BBS1: variants seen among roughly 807,000 people sequenced by gnomAD.
BBS1 encodes Bardet-Biedl syndrome 1.
In BBS1, 60 loss-of-function variants were observed where a neutral mutation model predicts 73.9. The ratio of observed to expected loss-of-function variants is 0.81; its 90% CI spans 0.66 to 1.01. The LOEUF is 1.01. Among genes scored for constraint, BBS1 ranks in the 50% least tolerant of loss-of-function variants. The probability of loss-of-function intolerance (pLI) is 0.00; values close to 1 mark genes in which losing one functional copy is unlikely to be tolerated. For synonymous variants in BBS1, 283 were observed against 317.4 expected (o/e 0.89, Z 1.15); for missense variants, 718 against 770.3 (o/e 0.93, Z 0.80).
chr11:66,524,331 G>A, intron 11 of BBS1: 1 of 283,464 alleles, frequency 3.5e-6, no homozygotes, highest in South Asian at 3.4e-5. Context: ...CACCATATTG[G>A]TAGGGGTGGG....
intron 13 of BBS1, chr11:66,529,137 G>C: frequency 2.0e-6 from 2 of 981,226 alleles, no homozygotes; most frequent in Non-Finnish European, 2.4e-6. Context: ...ACGGAAGAGC[G>C]AAGCCAGCCT....
rs1856840915 is a variant in BBS1 at position 66,532,870 on chromosome 11, G to A, written c.*833G>A. 1 of 152,478 alleles carries A rather than the reference G, an allele frequency of 6.6e-6. No homozygotes were observed. The highest frequency in any genetic ancestry group is 1.5e-5 in the Non-Finnish European group (1 of 68,214). 9.4% of individuals were successfully genotyped at this position (152,478 alleles called of 1,614,324 possible). ...GCGCACCAGGAGAGGCGTTTCTGGGGCTCCAGAGAAGTGCCACGGGAGGCA... is the reference window on the plus strand; with the variant it reads ...GCGCACCAGGAGAGGCGTTTCTGGGACTCCAGAGAAGTGCCACGGGAGGCA... On this transcript the variant is annotated 3_prime_UTR_variant, in exon 17 of 17. Transcript: ENST00000318312.
intron 3 of BBS1, among the ~76,000 whole-genome samples, chr11:66,514,063 C>T (rs1390656901): frequency 6.6e-6 from 1 of 152,220 alleles, no homozygotes; most frequent in Non-Finnish European, 1.5e-5. Context: ...ACCACTGTCC[C>T]AGTATCTCTC....
chr11:66,526,588 A>G (rs1441624253), intron 12 of BBS1, 61 bp from the exon 13 acceptor site: 14 of 1,608,738 alleles, frequency 8.7e-6, no homozygotes, highest in African/African-American at 1.3e-5. Flanking sequence ...TGGGGAAGAA[A>G]GAATGGGAAT....
At chr11:66,531,073 G>C (rs1454458483) in intron 15 of BBS1, 45 bp downstream of exon 15, 1 of 1,611,874 alleles carries the variant, frequency 6.2e-7, no homozygotes, top group African/African-American at 1.3e-5. Flanking sequence ...AAAGGCCAGG[G>C]CAGGGGCCTG....
At chr11:66,523,695 C>T (rs778802597) in intron 10 of BBS1, 29 bp from the exon 11 acceptor site, 5 of 1,610,184 alleles carry the variant, frequency 3.1e-6, no homozygotes, top group South Asian at 2.2e-5. Flanking sequence ...GCCCTGAGCC[C>T]TCCACAGACG....
rs1856802140 is a variant in BBS1 at position 66,531,951 on chromosome 11, G to A, written c.1696G>A (p.Val566Met). ...TGCTGCCATGGCCACTCCTCCATAG[G>A]TGCTGGTGCTTCGAGAAGGCCAAAG... ...SNKGISDIIK[V>M]LVLREGQSAP... The change falls in exon 17 of 17, where the codon GTG becomes ATG. Residue 566 changes from valine to methionine, a missense_variant and splice_region_variant. By Grantham distance (21) the Val-to-Met change is conservative (BLOSUM62 1). Coordinates refer to ENST00000318312, the MANE Select transcript of BBS1 (RefSeq NM_024649.5). The A allele has an allele frequency of 6.3e-7, 1 of 1,589,164 alleles. No homozygotes were observed. The highest frequency in any genetic ancestry group is 8.6e-7 in the Non-Finnish European group (1 of 1,168,370).
At position 66,515,862 on chromosome 11, in the gene BBS1, T is replaced by A; in HGVS notation, c.520T>A (p.Phe174Ile). ...GATGCCAGTTCTCTGTGTGTCTAGG[T>A]TTCTGCAGCTGGAGCTAAGTGAAAT... is the stretch of plus-strand genomic sequence containing the variant. ...EEPLSIQSLR[F>I]LQLELSEMEA... Residue 174 changes from phenylalanine to isoleucine, a missense_variant and splice_region_variant, in exon 7 of 17, where the codon TTT becomes ATT. Physicochemically the swap from Phe to Ile is conservative, Grantham distance 21 (BLOSUM62 0). Transcript: ENST00000318312. The A allele has an allele frequency of 6.2e-7, 1 of 1,614,116 alleles. No homozygotes were observed. Among genetic ancestry groups the A allele is most frequent in the Non-Finnish European group, 8.5e-7 (1 of 1,180,012 alleles).
intron 13 of BBS1, chr11:66,529,559 C>T (rs921118124): frequency 1.1e-4 from 76 of 698,950 alleles, no homozygotes; most frequent in Non-Finnish European, 1.6e-4. Flanking sequence ...CCTCTAGGGC[C>T]GGACAGAGAA....
In BBS1 at chr11:66,511,042, C is replaced by T. The variant is rs866558676; in HGVS notation, c.77C>T (p.Ala26Val). Residue 26 changes from alanine (A) to valine (V), a missense_variant, in exon 2 of 17, where the codon GCG (alanine) becomes GTG (valine). Transcript: ENST00000318312. ...GAGGCCAATTCGAAGTGGTTGGATGCGCACTACGACCCAATGGCCAATATC... is the reference window on the plus strand; with the variant it reads ...GAGGCCAATTCGAAGTGGTTGGATGTGCACTACGACCCAATGGCCAATATC... ...SNEANSKWLDAHYDPMANIHT... is the reference protein window; with the variant it reads ...SNEANSKWLDVHYDPMANIHT... The T allele has an allele frequency of 6.2e-7, 1 of 1,614,150 alleles. No individual in the cohort carries two copies.
chr11:66,531,100 G>T, intron 15 of BBS1, 72 bp downstream of exon 15: 3 of 1,589,374 alleles, frequency 1.9e-6, no homozygotes, highest in East Asian at 2.3e-5. Context: ...TGCCCACAGA[G>T]CCCCGCCAGG....
chr11:66,520,859 A>T, intron 8 of BBS1: 1 of 312,594 alleles, frequency 3.2e-6, no homozygotes, highest in Non-Finnish European at 6.2e-6. Flanking sequence ...TCATCTTCTC[A>T]TCTGTGGGAC....
chr11:66,530,276 G>A (rs533052625), intron 14 of BBS1, among the ~76,000 whole-genome samples: 2 of 152,282 alleles, frequency 1.3e-5, no homozygotes, highest in South Asian at 2.1e-4. Context: ...TATGGTACAA[G>A]GAAGAAGGCT....
intron 6 of BBS1, 54 bp downstream of exon 6, chr11:66,515,785 CCGCCAGAATG>C: frequency 6.2e-7 from 1 of 1,613,886 alleles, no homozygotes. Flanking sequence ...GAGGAAGCAG[CCGCCAGAATG>C]TGCCAGAATG....
At chr11:66,528,238 A>T (rs1400370035) in intron 13 of BBS1, among the ~76,000 whole-genome samples, 1 of 152,192 alleles carries the variant, frequency 6.6e-6, no homozygotes, top group Non-Finnish European at 1.5e-5. Context: ...AAATGTACAA[A>T]GTCTAATAAA....
At chr11:66,512,025 T>A (rs1855961934) in intron 3 of BBS1, among the ~76,000 whole-genome samples, 1 of 145,494 alleles carries the variant, frequency 6.9e-6, no homozygotes, top group African/African-American at 2.5e-5. Flanking sequence ...TATATGTGTA[T>A]ATATATGTAT....
At chr11:66,526,972 T>C (rs1470176562) in intron 13 of BBS1, 165 bp downstream of exon 13, 1 of 1,549,714 alleles carries the variant, frequency 6.5e-7, no homozygotes, top group East Asian at 2.4e-5. Flanking sequence ...AGGTACACGT[T>C]GCCTGCAAAT....
Position 66,515,941 on chromosome 11 carries a change from C to T in BBS1, c.591+8C>T, listed in dbSNP as rs1043360776. On this transcript the variant is annotated splice_region_variant and intron_variant, in intron 7 of 16. Transcript: ENST00000318312. The stretch of plus-strand genomic sequence containing the variant: ...AACTCCATCAAGCGGCAGGTAATAC[C>T]CCCTTCTCTTTTTATTTCCCTGTAA... 4 of 1,613,598 alleles carry T rather than the reference C, an allele frequency of 2.5e-6. No homozygotes were observed. The highest frequency in any genetic ancestry group is 3.4e-6 in the Non-Finnish European group (4 of 1,179,796).
chr11:66,515,578 G>A lies in BBS1; in HGVS notation c.471G>A (p.Glu157=). Residue 157 remains glutamate, a synonymous_variant, in exon 5 of 17, where the codon GAG becomes GAA. Transcript: ENST00000318312. The stretch of plus-strand genomic sequence containing the variant: ...CCTTAACCCTGAAGGAGATGCTGGA[G>A]AGCATCCGGTGAGAGGCTGCCTTCC... ...IDPLTLKEML[E]SIRETAEEPL... The A allele has an allele frequency of 6.2e-7, 1 of 1,614,156 alleles. No individual in the cohort carries two copies. Among genetic ancestry groups the A allele is most frequent in the East Asian group, 2.2e-5 (1 of 44,888 alleles).
Sources: allele counts gnomAD v4.1 joint callset (sites outside exome capture counted in the v4.1 genomes callset), GRCh38; gene constraint gnomAD v4.1.1; transcripts MANE v1.5; gene names NCBI Gene and HGNC (gene_info 2026-07-23, HGNC 2026-07-21).